OR56A3: variants seen among roughly 807,000 people sequenced by gnomAD.
OR56A3 encodes olfactory receptor family 56 subfamily A member 3.
In OR56A3, 23 loss-of-function variants were observed where a neutral mutation model predicts 17.5. The ratio of observed to expected loss-of-function variants is 1.32; its 90% CI spans 0.95 to 1.87. The LOEUF (loss-of-function observed/expected upper bound fraction) is 1.87, where lower values mean the gene tolerates loss of function less well. OR56A3 is among the 40% of genes most tolerant of loss of function. The probability of loss-of-function intolerance (pLI) is 0.00; values close to 1 mark genes in which losing one functional copy is unlikely to be tolerated. For missense variants in OR56A3, 366 were observed against 380.1 expected (o/e 0.96, Z 0.31); for synonymous variants, 175 against 150.6 (o/e 1.16, Z -1.19).
the OR56A3 span, chr11:5,994,991 C>A: frequency 2.9e-6 from 2 of 682,632 alleles, no homozygotes; most frequent in South Asian, 1.5e-5. Flanking sequence ...GGACCCCAAG[C>A]CACCTGGAAG....
At chr11:5,995,233 T>G in the OR56A3 span, among the ~76,000 whole-genome samples, 1 of 152,208 alleles carries the variant, frequency 6.6e-6, no homozygotes, top group South Asian at 2.1e-4. Flanking sequence ...AACCAATATT[T>G]TAAAGTGTGG....
At chr11:5,995,485 G>C in the OR56A3 span, among the ~76,000 whole-genome samples, 2 of 152,068 alleles carry the variant, frequency 1.3e-5, no homozygotes, top group Non-Finnish European at 1.5e-5. Context: ...CTCTTGAGTT[G>C]GACAGGATAC....
At chr11:5,963,646 C>T in the OR56A3 span, among the ~76,000 whole-genome samples, 2 of 152,028 alleles carry the variant, frequency 1.3e-5, no homozygotes, top group African/African-American at 2.4e-5. Flanking sequence ...TGAGCTTTGA[C>T]AGTTTTATTA....
At chr11:5,956,948 G>T in the OR56A3 span, among the ~76,000 whole-genome samples, 2 of 152,152 alleles carry the variant, frequency 1.3e-5, no homozygotes, top group African/African-American at 4.8e-5. Flanking sequence ...CTGAGGTCAG[G>T]AGTTCGAGAC....
At chr11:5,985,982 T>C in the OR56A3 span, 1 of 1,612,070 alleles carries the variant, frequency 6.2e-7, no homozygotes, top group South Asian at 1.1e-5. Context: ...CGCTGGCGGA[T>C]CTGCTGAGTC....
the OR56A3 span, chr11:5,986,839 A>G: frequency 6.2e-7 from 1 of 1,613,984 alleles, no homozygotes; most frequent in Middle Eastern, 1.6e-4. Context: ...CCCTACCAGG[A>G]GAAAAGAAGG....
chr11:6,016,362 T>C, the OR56A3 span, among the ~76,000 whole-genome samples: 1 of 152,120 alleles, frequency 6.6e-6, no homozygotes, highest in South Asian at 2.1e-4. Context: ...TCTTAGGTAT[T>C]TCTTTCTAGC....
chr11:5,950,463 C>T lies in OR56A3; in HGVS notation c.*2169C>T, dbSNP rs769706224. 4 of 152,044 alleles carry T rather than the reference C, an allele frequency of 2.6e-5. No homozygotes were observed. Among genetic ancestry groups the T allele is most frequent in the Non-Finnish European group, 5.9e-5 (4 of 67,958 alleles). The allele number at this position is 152,044 out of a possible 1,614,324, so 9.4% of individuals were successfully genotyped here. A position where few individuals can be genotyped will look rare whatever the true frequency, so the allele number is the denominator to read the frequency against. On this transcript the variant is annotated 3_prime_UTR_variant, in exon 3 of 3. Coordinates refer to ENST00000641160, the MANE Select transcript of OR56A3 (RefSeq NM_001003443.3). ...TTTATAAACAATGTCAAAACAATAT[C>T]GGCATATATTTATTTGAAAAACAAG...
the OR56A3 span, among the ~76,000 whole-genome samples, chr11:6,010,059 A>T: frequency 1.2e-5 from 1 of 82,988 alleles, no homozygotes; most frequent in Non-Finnish European, 2.5e-5. Flanking sequence ...TAGAAGTCAT[A>T]GGTGTTTTTT....
At chr11:5,961,676 C>A in the OR56A3 span, among the ~76,000 whole-genome samples, 1 of 151,304 alleles carries the variant, frequency 6.6e-6, no homozygotes, top group Non-Finnish European at 1.5e-5. Context: ...ATCTGCTGAC[C>A]TTCCCTCCAC....
the OR56A3 span, chr11:5,985,793 G>A: frequency 1.4e-6 from 1 of 705,770 alleles, no homozygotes; most frequent in Non-Finnish European, 2.3e-6. Flanking sequence ...CCAAGTATCT[G>A]TGGGTGTTCT....
chr11:6,011,161 A>G, the OR56A3 span, among the ~76,000 whole-genome samples: 462 of 150,228 alleles, frequency 3.1e-3, 3 homozygotes, highest in Middle Eastern at 0.043. Context: ...CTAGCAAATT[A>G]CTTTCTTGCA....
In OR56A3 at chr11:5,948,287, G is replaced by A. The variant is rs201471608; in HGVS notation, c.941G>A (p.Gly314Glu). 5.8e-5 allele frequency: 93 copies of A among 1,610,624 alleles called. No individual in the cohort carries two copies. The highest frequency in any genetic ancestry group is 5.2e-4 in the Admixed American group (31 of 59,940). ...KQGMQRLLKK[G>E]C The stretch of plus-strand genomic sequence containing the variant: ...GGAATGCAGAGGTTGTTGAAGAAAG[G>A]GTGCTAACAAGGACCACTGGATCTC... Residue 314 changes from glycine (G) to glutamate (E), a missense_variant, in exon 3 of 3, where the codon GGG (glycine) becomes GAG (glutamate). Gly to Glu is a moderately conservative substitution (Grantham distance 98, BLOSUM62 -2). Transcript: ENST00000641160.
In OR56A3 at chr11:5,950,173, T is replaced by C. The variant is rs927435321; in HGVS notation, c.*1879T>C. The C allele has an allele frequency of 6.6e-6, 1 of 152,196 alleles. No individual in the cohort carries two copies. The highest frequency in any genetic ancestry group is 1.9e-4 in the East Asian group (1 of 5,208). 9.4% of individuals were successfully genotyped at this position (152,196 alleles called of 1,614,324 possible). A position where few individuals can be genotyped will look rare whatever the true frequency, so the allele number is the denominator to read the frequency against. ...AATATGCTATATTAACATATACTTA[T>C]CAAAACACCAAAACTTTGAGGACTA... On this transcript the variant is annotated 3_prime_UTR_variant, in exon 3 of 3. Coordinates refer to ENST00000641160, the MANE Select transcript of OR56A3 (RefSeq NM_001003443.3).
the OR56A3 span, among the ~76,000 whole-genome samples, chr11:5,980,273 C>T: frequency 1.3e-5 from 2 of 152,110 alleles, no homozygotes; most frequent in East Asian, 3.9e-4. Context: ...CTGTATGATA[C>T]TATCAATGGG....
At chr11:6,002,938 AGAT>A in the OR56A3 span, 6 of 1,613,954 alleles carry the variant, frequency 3.7e-6, no homozygotes, top group South Asian at 5.5e-5. Flanking sequence ...TTGGGGAAGC[AGAT>A]GAGGAGGAAT....
chr11:5,996,441 T>C, the OR56A3 span, among the ~76,000 whole-genome samples: 2 of 151,990 alleles, frequency 1.3e-5, no homozygotes, highest in African/African-American at 2.4e-5. Flanking sequence ...CAGTAACCTG[T>C]AGCCCAGCCT....
At chr11:6,005,707 T>C in the OR56A3 span, among the ~76,000 whole-genome samples, 4 of 152,214 alleles carry the variant, frequency 2.6e-5, no homozygotes, top group Non-Finnish European at 5.9e-5. Flanking sequence ...CTAGAGCTCA[T>C]TTCTTAGTTC....
At chr11:6,003,381 G>A in the OR56A3 span, among the ~76,000 whole-genome samples, 11 of 152,134 alleles carry the variant, frequency 7.2e-5, no homozygotes, top group South Asian at 4.1e-4. Flanking sequence ...TATGATTTCA[G>A]TACACTTTAC....
Sources: gnomAD v4.1 joint callset for allele counts (sites outside exome capture counted in the v4.1 genomes callset) on GRCh38, gnomAD v4.1.1 for gene constraint, MANE v1.5 for transcripts, NCBI Gene and HGNC (gene_info 2026-07-23, HGNC 2026-07-21) for gene names.